Variants in COX7B2 observed in about 807,000 individuals in gnomAD.
COX7B2 encodes the protein cytochrome c oxidase subunit 7B2.
For missense variants in COX7B2, 109 were observed against 95.9 expected (o/e 1.14, Z -0.57); for synonymous variants, 37 against 32.1 (o/e 1.15, Z -0.51).
chr4:46,809,388 C>G (rs1318409907), intron 2 of COX7B2, among the ~76,000 whole-genome samples: 1 of 151,714 alleles, frequency 6.6e-6, no homozygotes, highest in African/African-American at 2.4e-5. Flanking sequence ...GATATTTCTT[C>G]TTTTTAATGT....
chr4:46,815,480 T>C (rs533456699), intron 2 of COX7B2, among the ~76,000 whole-genome samples: 2 of 152,338 alleles, frequency 1.3e-5, no homozygotes, highest in Admixed American at 1.3e-4. Context: ...TTTGTGCATC[T>C]TGAATCTTCC....
At chr4:46,863,291 G>A (rs1246046490) in intron 1 of COX7B2, among the ~76,000 whole-genome samples, 1 of 152,062 alleles carries the variant, frequency 6.6e-6, no homozygotes, top group Admixed American at 6.6e-5. Flanking sequence ...ACAAGACAGG[G>A]TCTTGTATGC....
intron 1 of COX7B2, among the ~76,000 whole-genome samples, chr4:46,862,619 AAT>A (rs2109804176): frequency 6.6e-6 from 1 of 152,336 alleles, no homozygotes; most frequent in Non-Finnish European, 1.5e-5. Context: ...AATTTTGATA[AAT>A]AAGACTAATT....
chr4:46,902,636 C>G (rs1480206976), intron 1 of COX7B2, among the ~76,000 whole-genome samples: 1 of 152,192 alleles, frequency 6.6e-6, no homozygotes, highest in Non-Finnish European at 1.5e-5. Context: ...CAAAGTAGGT[C>G]AAAACTACAT....
At chr4:46,787,599 G>T (rs2109573702) in intron 2 of COX7B2, among the ~76,000 whole-genome samples, 1 of 152,240 alleles carries the variant, frequency 6.6e-6, no homozygotes. Flanking sequence ...ATAAAGTATT[G>T]AGGAACATAT....
chr4:46,756,094 G>A (rs1715779857), intron 2 of COX7B2, among the ~76,000 whole-genome samples: 1 of 151,918 alleles, frequency 6.6e-6, no homozygotes, highest in South Asian at 2.1e-4. Context: ...AAACACCATG[G>A]TACTGGTATA....
intron 1 of COX7B2, among the ~76,000 whole-genome samples, chr4:46,890,160 T>C (rs1051011898): frequency 6.6e-6 from 1 of 152,172 alleles, no homozygotes; most frequent in African/African-American, 2.4e-5. Context: ...TAAAGCTTTA[T>C]GTTACTCTAG....
intron 2 of COX7B2, among the ~76,000 whole-genome samples, chr4:46,797,712 G>A (rs1178185544): frequency 1.3e-5 from 2 of 152,186 alleles, no homozygotes; most frequent in Non-Finnish European, 2.9e-5. Flanking sequence ...TATATGGCCT[G>A]TAAAGAAGAC....
At chr4:46,743,422 T>C (rs1577648986) in intron 2 of COX7B2, among the ~76,000 whole-genome samples, 1 of 152,200 alleles carries the variant, frequency 6.6e-6, no homozygotes, top group East Asian at 1.9e-4. Flanking sequence ...AACTGGAATG[T>C]AGGAATGTAT....
chr4:46,854,895 A>G lies in COX7B2; in HGVS notation c.-104-9881T>C, dbSNP rs181141840. 2.9e-3 allele frequency among the ~76,000 whole-genome samples: 441 copies of G among 152,322 alleles called. 4 individuals carry two copies. The highest frequency in any genetic ancestry group is 0.01 in the African/African-American group (420 of 41,574). ...ACATTTTAATGGGAAATAATAATGAAAATATAAACATCAAAAGCTAAGAGT... is the reference window on the plus strand; with the variant it reads ...ACATTTTAATGGGAAATAATAATGAGAATATAAACATCAAAAGCTAAGAGT... On this transcript the variant is annotated intron_variant, in intron 1 of 2. Coordinates refer to ENST00000355591, the MANE Select transcript of COX7B2 (RefSeq NM_130902.3).
At chr4:46,760,131 T>C (rs1432838717) in intron 2 of COX7B2, among the ~76,000 whole-genome samples, 1 of 152,050 alleles carries the variant, frequency 6.6e-6, no homozygotes, top group Non-Finnish European at 1.5e-5. Flanking sequence ...AGTTCAACCA[T>C]TGTGGAAGAC....
chr4:46,883,791 C>A, intron 1 of COX7B2, among the ~76,000 whole-genome samples: 1 of 151,388 alleles, frequency 6.6e-6, no homozygotes, highest in East Asian at 2.0e-4. Context: ...AAAAAAAAAC[C>A]TGAACATTAA....
chr4:46,788,482 A>C (rs1327804205), intron 2 of COX7B2, among the ~76,000 whole-genome samples: 2 of 152,178 alleles, frequency 1.3e-5, no homozygotes, highest in African/African-American at 4.8e-5. Context: ...TTTCAAGTAA[A>C]ATGGCTGTTT....
chr4:46,850,250 T>A (rs1275190050), intron 1 of COX7B2, among the ~76,000 whole-genome samples: 1 of 151,726 alleles, frequency 6.6e-6, no homozygotes, highest in Admixed American at 6.6e-5. Context: ...TAAAATAATT[T>A]AAATGATTTA....
At chr4:46,859,602 T>A (rs1717217890) in intron 1 of COX7B2, among the ~76,000 whole-genome samples, 2 of 152,208 alleles carry the variant, frequency 1.3e-5, no homozygotes, top group South Asian at 4.1e-4. Context: ...TTTATCTGAA[T>A]TTCAACAATA....
chr4:46,855,414 A>G (rs1716947881), intron 1 of COX7B2, among the ~76,000 whole-genome samples: 1 of 152,086 alleles, frequency 6.6e-6, no homozygotes, highest in Non-Finnish European at 1.5e-5. Context: ...ATTAGGAGTA[A>G]GTATCGAAAA....
intron 2 of COX7B2, among the ~76,000 whole-genome samples, chr4:46,781,714 C>T (rs773894845): frequency 9.2e-5 from 14 of 152,318 alleles, no homozygotes; most frequent in South Asian, 6.2e-4. Flanking sequence ...CTGCGCCTGG[C>T]GCTCACCAGC....
intron 2 of COX7B2, 93 bp from the exon 3 acceptor site, chr4:46,735,334 TTC>T: frequency 5.6e-6 from 5 of 897,678 alleles, no homozygotes; most frequent in Non-Finnish European, 8.6e-6. Flanking sequence ...TGGAGTGGTG[TTC>T]AGGAATGTGA....
intron 2 of COX7B2, among the ~76,000 whole-genome samples, chr4:46,740,615 G>T (rs1052977776): frequency 6.6e-6 from 1 of 152,022 alleles, no homozygotes; most frequent in Non-Finnish European, 1.5e-5. Context: ...AAACGTAATT[G>T]TTAGGTGTAA....
Sources: allele counts gnomAD v4.1 joint callset (sites outside exome capture counted in the v4.1 genomes callset), GRCh38; gene constraint gnomAD v4.1.1; transcripts MANE v1.5; gene names NCBI Gene and HGNC (gene_info 2026-07-23, HGNC 2026-07-21).